The following NOTCH1 variants were observed in gnomAD, a reference collection of about 807,000 sequenced individuals.
NOTCH1 encodes the protein notch receptor 1.
In NOTCH1, 37 loss-of-function variants were observed where a neutral mutation model predicts 254.8. The observed-to-expected ratio is 0.15, with a 90% CI of 0.11 to 0.19. The LOEUF (loss-of-function observed/expected upper bound fraction) is 0.19, where lower values mean the gene tolerates loss of function less well. Among genes scored for constraint, NOTCH1 ranks in the 10% least tolerant of loss-of-function variants. The pLI is 1.00. For missense variants in NOTCH1, 2,972 were observed against 3,708.6 expected (o/e 0.80, Z 5.16); for synonymous variants, 1,731 against 1,618.1 (o/e 1.07, Z -1.68).
chr9:136,528,487 CGGGGAATGGGCAGGGACAGTGA>C (rs1843508664), intron 2 of NOTCH1, among the ~76,000 whole-genome samples: 2 of 7,104 alleles, frequency 2.8e-4, no homozygotes, highest in South Asian at 6.3e-3. Context: ...AGGGACAGTG[CGGGGAATGGGCAGGGACAGTGA>C]GGGGGATGGG....
At chr9:136,538,634 T>A (rs1843689164) in intron 2 of NOTCH1, among the ~76,000 whole-genome samples, 1 of 152,174 alleles carries the variant, frequency 6.6e-6, no homozygotes, top group Non-Finnish European at 1.5e-5. Context: ...CGGGGAAAGA[T>A]CCGGAAAGTT....
intron 2 of NOTCH1, among the ~76,000 whole-genome samples, chr9:136,526,801 A>C (rs1032474299): frequency 6.6e-6 from 1 of 152,080 alleles, no homozygotes; most frequent in African/African-American, 2.4e-5. Context: ...CGCCCCATAA[A>C]TCAGGCGTCG....
rs111705873 is a variant in NOTCH1 at position 136,533,361 on chromosome 9, A to T, written c.141-9382T>A. ...CCGTCAGGGAAACCACACATGTTCA[A>T]CCCCTGGCGGCTCCCCCAAACCTCT... is the stretch of plus-strand genomic sequence containing the variant. On this transcript the variant is annotated intron_variant, in intron 2 of 33. Transcript: ENST00000651671. 1.4e-3 allele frequency among the ~76,000 whole-genome samples: 208 copies of T among 152,188 alleles called. 2 individuals carry two copies. Among genetic ancestry groups the T allele is most frequent in the South Asian group, 3.9e-3 (19 of 4,816 alleles).
At chr9:136,526,211 C>T (rs1025757763) in intron 2 of NOTCH1, among the ~76,000 whole-genome samples, 4 of 152,252 alleles carry the variant, frequency 2.6e-5, no homozygotes, top group South Asian at 4.1e-4. Context: ...GTGGAGCGGC[C>T]GCTGGGAACC....
chr9:136,525,221 GAC>G (rs965027569), intron 2 of NOTCH1, among the ~76,000 whole-genome samples: 1 of 152,128 alleles, frequency 6.6e-6, no homozygotes, highest in Admixed American at 6.5e-5. Flanking sequence ...CCTCACCCCG[GAC>G]ACACAGTCTG....
At chr9:136,538,366 G>A (rs1164021547) in intron 2 of NOTCH1, among the ~76,000 whole-genome samples, 2 of 151,846 alleles carry the variant, frequency 1.3e-5, no homozygotes, top group African/African-American at 2.4e-5. Context: ...CCTTCAGCCC[G>A]CCCCAGGGTC....
At position 136,513,654 on chromosome 9, in the gene NOTCH1, C is replaced by CG; in HGVS notation, c.2208-118dup. The CG allele has an allele frequency of 6.8e-6, 8 of 1,181,018 alleles. No individual in the cohort carries two copies. Among genetic ancestry groups the CG allele is most frequent in the Non-Finnish European group, 9.7e-6 (8 of 821,296 alleles). The allele number at this position is 1,181,018 out of a possible 1,614,324, so 73.2% of individuals were successfully genotyped here. A position where few individuals can be genotyped will look rare whatever the true frequency, so the allele number is the denominator to read the frequency against. ...GCGGAGGTGCCCATCCACTCAGACTCGCAGAGTCCTTTAGTGGGGGCAGGC... is the reference window on the plus strand; with the variant it reads ...GCGGAGGTGCCCATCCACTCAGACTCGGCAGAGTCCTTTAGTGGGGGCAGGC... On this transcript the variant is annotated intron_variant, in intron 13 of 33. Transcript: ENST00000651671. The surrounding 1 kb of genome is among the most constrained non-coding windows in gnomAD (Gnocchi z 4.7).
chr9:136,522,372 C>T (rs1047747043), intron 4 of NOTCH1, among the ~76,000 whole-genome samples: 15 of 152,188 alleles, frequency 9.9e-5, no homozygotes, highest in South Asian at 2.1e-4. Context: ...ACGTACAACA[C>T]GGGGATCGGG....
intron 12 of NOTCH1, among the ~76,000 whole-genome samples, chr9:136,515,025 A>G (rs967934446): frequency 3.3e-5 from 5 of 152,228 alleles, no homozygotes; most frequent in Admixed American, 2.0e-4. Flanking sequence ...GCCTGGCCTC[A>G]GGGCTGGCTG....
At chr9:136,534,912 CG>C (rs1843619771) in intron 2 of NOTCH1, among the ~76,000 whole-genome samples, 1 of 72,784 alleles carries the variant, frequency 1.4e-5, no homozygotes, top group Non-Finnish European at 2.9e-5. Flanking sequence ...ACAGAGCCCC[CG>C]AGTCCCTCCC....
intron 6 of NOTCH1, 109 bp from the exon 7 acceptor site, chr9:136,518,401 G>A: frequency 7.0e-7 from 1 of 1,435,472 alleles, no homozygotes; most frequent in Non-Finnish European, 9.5e-7. Flanking sequence ...TGCCCGCCGT[G>A]ACCCCGTCGG....
chr9:136,510,275 A>C (rs1843157761), intron 17 of NOTCH1, among the ~76,000 whole-genome samples: 1 of 152,202 alleles, frequency 6.6e-6, no homozygotes, highest in Admixed American at 6.5e-5. Flanking sequence ...AGGTGATGCC[A>C]GCAAGACCCC....
chr9:136,533,062 C>T (rs987572220), intron 2 of NOTCH1, among the ~76,000 whole-genome samples: 3 of 116,484 alleles, frequency 2.6e-5, no homozygotes, highest in African/African-American at 3.5e-5. Flanking sequence ...GACCTCGCCA[C>T]GGCCTGAGCC....
chr9:136,522,763 TGCCCCTACACCAGGC>T (rs1843392707), intron 4 of NOTCH1, 72 bp downstream of exon 4: 1 of 1,280,732 alleles, frequency 7.8e-7, no homozygotes, highest in Non-Finnish European at 1.0e-6. Flanking sequence ...CTCCCAGGGC[TGCCCCTACACCAGGC>T]GCCCCGTTCC....
intron 2 of NOTCH1, among the ~76,000 whole-genome samples, chr9:136,530,084 CA>C (rs1221180203): frequency 6.6e-6 from 1 of 152,194 alleles, no homozygotes; most frequent in Non-Finnish European, 1.5e-5. Flanking sequence ...GAGCCAGCCC[CA>C]AACAGCCGCC....
In NOTCH1 at chr9:136,508,979, T is replaced by C. The variant is rs1181437947; in HGVS notation, c.3062A>G (p.Asp1021Gly). The C allele has an allele frequency of 1.3e-6, 2 of 1,557,636 alleles. No individual in the cohort carries two copies. Residue 1021 changes from aspartate to glycine, a missense_variant, in exon 19 of 34, where the codon GAT becomes GGT. Transcript: ENST00000651671. ...GGGCTGTGAGTCGCACTCATTGACA[T>C]CGTGCTGGCAGTAGCTGCCCGTGAA... Reference protein sequence around the residue: ...PGFTGSYCQHDVNECDSQPCL... With the variant: ...PGFTGSYCQHGVNECDSQPCL...
Position 136,544,043 on chromosome 9 carries a change from T to G in NOTCH1, c.121A>C (p.Asn41His). ...ACTCACACGCAGGCCTCCGTGCCATTGGCCGCTTCACACTTCCCGCCATTC... is the reference window on the plus strand; with the variant it reads ...ACTCACACGCAGGCCTCCGTGCCATGGGCCGCTTCACACTTCCCGCCATTC... ...CLNGGKCEAA[N>H]GTEACVCGGA... Residue 41 changes from asparagine (N) to histidine (H), a missense_variant, in exon 2 of 34, where the codon AAT becomes CAT. Physicochemically the swap from Asn to His is moderately conservative, Grantham distance 68. This residue lies in a region of NOTCH1 where 374 missense variants were observed against 496.3 expected (regional missense o/e 0.75). Coordinates refer to ENST00000651671, the MANE Select transcript of NOTCH1 (RefSeq NM_017617.5). 6.3e-7 allele frequency: 1 copy of G among 1,575,440 alleles called. No individual in the cohort carries two copies. Among genetic ancestry groups the G allele is most frequent in the Non-Finnish European group, 8.6e-7 (1 of 1,161,414 alleles).
At chr9:136,530,786 G>C (rs1296561925) in intron 2 of NOTCH1, among the ~76,000 whole-genome samples, 5 of 152,226 alleles carry the variant, frequency 3.3e-5, no homozygotes, top group Admixed American at 3.3e-4. Flanking sequence ...CCGGGGCTCT[G>C]CTCCCAAGAA....
At chr9:136,539,949 C>T (rs978819807) in intron 2 of NOTCH1, among the ~76,000 whole-genome samples, 6 of 152,328 alleles carry the variant, frequency 3.9e-5, no homozygotes, top group South Asian at 2.1e-4. Context: ...CGCTTGTAGT[C>T]GGGAAATGAC....
Sources: allele counts gnomAD v4.1 joint callset (sites outside exome capture counted in the v4.1 genomes callset), GRCh38; gene constraint gnomAD v4.1.1; regional missense constraint gnomAD v4.1.1; non-coding constraint Gnocchi (gnomAD v3.1); transcripts MANE v1.5; gene names NCBI Gene and HGNC (gene_info 2026-07-23, HGNC 2026-07-21).